The following FRMD4A variants were observed in gnomAD, a reference collection of about 807,000 sequenced individuals.
FRMD4A encodes the protein FERM domain-containing protein 4A.
Under a neutral mutation model 129.1 loss-of-function variants are expected in FRMD4A, and 29 were observed. That is an observed-to-expected ratio of 0.22 (90% CI 0.17 to 0.31). FRMD4A has a LOEUF of 0.31. FRMD4A is among the 10% of genes least tolerant of loss of function. The pLI is 1.00. For missense variants in FRMD4A, 1,272 were observed against 1,375.8 expected, an observed-to-expected ratio of 0.92 and a Z score of 1.19; for synonymous variants, 634 against 571.6, an observed-to-expected ratio of 1.11 and a Z score of -1.56.
intron 2 of FRMD4A, among the ~76,000 whole-genome samples, chr10:13,896,451 T>C (rs1439691567): frequency 6.6e-6 from 1 of 152,066 alleles, no homozygotes; most frequent in East Asian, 1.9e-4. Flanking sequence ...TTCTCACTCA[T>C]AAGTGGGAGT....
At chr10:13,923,155 G>T (rs766780157) in intron 2 of FRMD4A, among the ~76,000 whole-genome samples, 107 of 152,072 alleles carry the variant, frequency 7.0e-4, no homozygotes, top group Non-Finnish European at 1.4e-3. Context: ...GGTTTTCCAG[G>T]GCAATGTTAT....
chr10:14,275,384 G>A (rs764815280), intron 2 of FRMD4A, among the ~76,000 whole-genome samples: 9 of 152,192 alleles, frequency 5.9e-5, no homozygotes, highest in Admixed American at 2.0e-4. Context: ...AAAACACATC[G>A]GGGTGAGTGT....
chr10:13,834,058 G>A (rs2093833646), intron 3 of FRMD4A, among the ~76,000 whole-genome samples: 1 of 152,140 alleles, frequency 6.6e-6, no homozygotes, highest in Non-Finnish European at 1.5e-5. Flanking sequence ...GAGATCAGGA[G>A]TACAAAACCA....
At chr10:13,648,113 A>T (rs918616527) in intron 24 of FRMD4A, 2 of 152,212 alleles carry the variant, frequency 1.3e-5, no homozygotes, top group African/African-American at 4.8e-5. Context: ...AATGTTTCTC[A>T]TCTGGCCTTA....
intron 2 of FRMD4A, among the ~76,000 whole-genome samples, chr10:14,328,543 T>G (rs1843377652): frequency 6.6e-6 from 1 of 151,896 alleles, no homozygotes; most frequent in African/African-American, 2.4e-5. Context: ...AAAGATATTT[T>G]TCAAGAAAAC....
chr10:14,309,412 T>A (rs1846463211), intron 2 of FRMD4A, among the ~76,000 whole-genome samples: 1 of 152,110 alleles, frequency 6.6e-6, no homozygotes, highest in African/African-American at 2.4e-5. Flanking sequence ...ATCATGCCAC[T>A]GCACTCCAGC....
At chr10:13,688,182 G>A (rs145668946) in intron 15 of FRMD4A, among the ~76,000 whole-genome samples, 134 of 152,138 alleles carry the variant, frequency 8.8e-4, no homozygotes, top group African/African-American at 2.6e-3. Flanking sequence ...AAGAAAATGC[G>A]GCACATATAC....
At chr10:14,039,389 TCCATCC>T (rs1565204459) in intron 2 of FRMD4A, among the ~76,000 whole-genome samples, 10 of 136,930 alleles carry the variant, frequency 7.3e-5, no homozygotes, top group African/African-American at 2.3e-4. Context: ...CATCCATCCA[TCCATCC>T]ATCCATCCAT....
At chr10:14,006,939 T>C (rs1279688831) in intron 2 of FRMD4A, among the ~76,000 whole-genome samples, 4 of 152,118 alleles carry the variant, frequency 2.6e-5, no homozygotes, top group Non-Finnish European at 5.9e-5. Flanking sequence ...AAGCAACGTT[T>C]TTTTCATTAT....
At chr10:14,021,989 T>C (rs1364957862) in intron 2 of FRMD4A, among the ~76,000 whole-genome samples, 1 of 152,132 alleles carries the variant, frequency 6.6e-6, no homozygotes, top group African/African-American at 2.4e-5. Context: ...AAAAGTTAAA[T>C]TTTACAATAA....
At chr10:13,935,283 C>CA in intron 2 of FRMD4A, among the ~76,000 whole-genome samples, 1 of 151,560 alleles carries the variant, frequency 6.6e-6, no homozygotes, top group Non-Finnish European at 1.5e-5. Flanking sequence ...ACTAAAAATA[C>CA]AAAAACTAGC....
chr10:13,828,309 AC>A (rs1481852832), intron 3 of FRMD4A, among the ~76,000 whole-genome samples: 2 of 151,516 alleles, frequency 1.3e-5, no homozygotes, highest in Non-Finnish European at 2.9e-5. Context: ...CTCATCCCTC[AC>A]CCCCTCCCAC....
At chr10:14,191,959 C>T (rs1176247972) in intron 2 of FRMD4A, among the ~76,000 whole-genome samples, 2 of 152,098 alleles carry the variant, frequency 1.3e-5, no homozygotes, top group Non-Finnish European at 2.9e-5. Flanking sequence ...TCTCCACTTC[C>T]ACCAGACCAC....
intron 2 of FRMD4A, among the ~76,000 whole-genome samples, chr10:14,227,680 A>T (rs1008604661): frequency 6.6e-6 from 1 of 152,118 alleles, no homozygotes; most frequent in Non-Finnish European, 1.5e-5. Context: ...AAATACTGAA[A>T]TACCCAATTT....
chr10:13,856,377 C>T (rs536443977), intron 3 of FRMD4A, among the ~76,000 whole-genome samples: 7 of 151,984 alleles, frequency 4.6e-5, no homozygotes, highest in African/African-American at 1.5e-4. Context: ...TATTTAGTGA[C>T]ATTATGTGCC....
In FRMD4A at chr10:14,021,761, T is replaced by C. The variant is rs899204759; in HGVS notation, c.46-162849A>G. The stretch of plus-strand genomic sequence containing the variant: ...TGTAAATAATCCTTTAGACTATCCA[T>C]ACATGTTTTATGGACTTTTGTGCAC... On this transcript the variant is annotated intron_variant, in intron 2 of 24. Transcript: ENST00000357447. Among the ~76,000 whole-genome samples, 8 of 152,212 alleles carry C rather than the reference T, an allele frequency of 5.3e-5. No individual in the cohort carries two copies. The East Asian group carries it at 1.2e-3, about 22-fold the overall frequency.
rs1589158008 is a variant in FRMD4A at position 13,643,932 on chromosome 10, T to C, written c.*3106A>G. The C allele has an allele frequency of 6.6e-6, 1 of 152,654 alleles. No individual in the cohort carries two copies. Among genetic ancestry groups the C allele is most frequent in the African/African-American group, 2.4e-5 (1 of 41,454 alleles). 9.5% of individuals were successfully genotyped at this position (152,654 alleles called of 1,614,324 possible). ...AGTCAGTTTCAGGAGCAACCTAATC[T>C]TTTTTCCCCCATTATTAAACTAGAG... On this transcript the variant is annotated 3_prime_UTR_variant, in exon 25 of 25. Coordinates refer to ENST00000357447, the MANE Select transcript of FRMD4A (RefSeq NM_018027.5).
chr10:13,958,866 C>T (rs978053872), intron 2 of FRMD4A, among the ~76,000 whole-genome samples: 3 of 152,006 alleles, frequency 2.0e-5, no homozygotes, highest in South Asian at 2.1e-4. Context: ...ATTACAGGCA[C>T]GAGCCACCGT....
At chr10:13,721,430 C>T (rs2089397414) in intron 12 of FRMD4A, among the ~76,000 whole-genome samples, 2 of 151,974 alleles carry the variant, frequency 1.3e-5, no homozygotes, top group Admixed American at 1.3e-4. Context: ...TGCAGTGAGC[C>T]GAGATTGCGC....
Sources: gnomAD v4.1 joint callset for allele counts (sites outside exome capture counted in the v4.1 genomes callset) on GRCh38, gnomAD v4.1.1 for gene constraint, MANE v1.5 for transcripts, NCBI Gene and HGNC (gene_info 2026-07-23, HGNC 2026-07-21) for gene names.